Variants in DEFB107B observed in about 807,000 individuals in gnomAD.
DEFB107B encodes the protein beta-defensin 107.
At chr8:7,497,499 G>A (rs1377882787) in intron 1 of DEFB107B, among the ~76,000 whole-genome samples, 1 of 151,944 alleles carries the variant, frequency 6.6e-6, no homozygotes, top group Non-Finnish European at 1.5e-5. Flanking sequence ...TTTGGAAATA[G>A]GCAAGACTAG....
At chr8:7,496,552 G>A (rs1276592621) in intron 1 of DEFB107B, among the ~76,000 whole-genome samples, 2 of 150,586 alleles carry the variant, frequency 1.3e-5, no homozygotes, top group Admixed American at 6.6e-5. Context: ...CGCCCTCCTC[G>A]GCCTCCCAGA....
intron 1 of DEFB107B, among the ~76,000 whole-genome samples, chr8:7,496,387 C>A (rs1468160649): frequency 8.3e-6 from 1 of 119,892 alleles, no homozygotes; most frequent in Non-Finnish European, 1.7e-5. Context: ...GCAAGCTCTG[C>A]CTCCCAGGTT....
rs1261173108 is a variant in DEFB107B, at chr8:7,506,336, G to A, written c.71-2745G>A. Among the ~76,000 whole-genome samples, 2 of 16,924 alleles carry A rather than the reference G, an allele frequency of 1.2e-4. 1 individual carries two copies. Among genetic ancestry groups the A allele is most frequent in the South Asian group, 3.6e-3 (2 of 558 alleles). 11.1% of individuals were successfully genotyped at this position (16,924 alleles called of 152,430 possible). On this transcript the variant is annotated intron_variant, in intron 1 of 1. Coordinates refer to ENST00000355602, the MANE Select transcript of DEFB107B (RefSeq NM_001040705.2). ...TTGTCCTCAATGACCACGCTCGAGC[G>A]TACCTTCACCCTAGAGAAAAGCCTC...
In DEFB107B at chr8:7,508,083, A is replaced by ATATGTGTG. The variant is rs1554551694; in HGVS notation, c.71-997_71-996insATGTGTGT. Among the ~76,000 whole-genome samples, 52 of 42,776 alleles carry ATATGTGTG rather than the reference A, an allele frequency of 1.2e-3. 1 individual carries two copies. The South Asian group carries it at 0.026, about 21-fold the overall frequency. 28.1% of individuals were successfully genotyped at this position (42,776 alleles called of 152,430 possible). A position where few individuals can be genotyped will look rare whatever the true frequency, so the allele number is the denominator to read the frequency against. On this transcript the variant is annotated intron_variant, in intron 1 of 1. Transcript: ENST00000355602. Reference sequence around the variant, plus strand: ...CCTATACATGTATATATATATATATATGTGTGTGTGTGTGTATGTGTGTGC... The same window carrying ATATGTGTG: ...CCTATACATGTATATATATATATATATATGTGTGTGTGTGTGTGTGTGTATGTGTGTGC...
At chr8:7,497,673 A>G (rs546540022) in intron 1 of DEFB107B, among the ~76,000 whole-genome samples, 3 of 149,582 alleles carry the variant, frequency 2.0e-5, no homozygotes, top group East Asian at 2.0e-4. Context: ...TGTCTTCTCC[A>G]TCCACTTTAA....
chr8:7,509,146 C>CT lies in DEFB107B; in HGVS notation c.138dup (p.Thr47TyrfsTer3). The CT allele has an allele frequency of 2.6e-6, 1 of 391,614 alleles. No individual in the cohort carries two copies. Among genetic ancestry groups the CT allele is most frequent in the South Asian group, 2.5e-5 (1 of 40,442 alleles). The allele number at this position is 391,614 out of a possible 1,614,324, so 24.3% of individuals were successfully genotyped here. A position where few individuals can be genotyped will look rare whatever the true frequency, so the allele number is the denominator to read the frequency against. On this transcript the variant is annotated frameshift_variant, in exon 2 of 2. Coordinates refer to ENST00000355602, the MANE Select transcript of DEFB107B (RefSeq NM_001040705.2). LOFTEE classifies it high-confidence loss of function. ...GGAAGGTCACTGTGAAGCCGAATGT[C>CT]TTACCTTTGAAGTAAAGATTGGGGG...
rs1235211134 is a variant in DEFB107B at position 7,503,815 on chromosome 8, C to G, written c.71-5266C>G. On this transcript the variant is annotated intron_variant, in intron 1 of 1. Transcript: ENST00000355602. Reference sequence around the variant, plus strand: ...TTTAAAGCAATGATAGAGACATCTGCTCCAGTGTCTACCAATCCTTCAAAC... The same window carrying G: ...TTTAAAGCAATGATAGAGACATCTGGTCCAGTGTCTACCAATCCTTCAAAC... 6.7e-4 allele frequency among the ~76,000 whole-genome samples: 16 copies of G among 23,912 alleles called. 7 individuals carry two copies. The highest frequency in any genetic ancestry group is 1.2e-3 in the African/African-American group (16 of 13,650). The allele number at this position is 23,912 out of a possible 152,430, so 15.7% of individuals were successfully genotyped here.
intron 1 of DEFB107B, among the ~76,000 whole-genome samples, chr8:7,508,302 T>G (rs1225068456): frequency 3.6e-5 from 5 of 138,106 alleles, no homozygotes; most frequent in Non-Finnish European, 7.6e-5. Context: ...TGATAATATT[T>G]CAGATATATG....
At chr8:7,496,258 C>CT (rs57260555) in intron 1 of DEFB107B, among the ~76,000 whole-genome samples, 80,368 of 88,718 alleles carry the variant, frequency 0.91, 36,069 homozygotes, top group East Asian at 0.96. Context: ...CTCTTTCCTC[C>CT]TTTGTAATCT....
chr8:7,508,081 A>ATGTGTGTG (rs72329447), intron 1 of DEFB107B, among the ~76,000 whole-genome samples: 6,867 of 41,488 alleles, frequency 0.17, 106 homozygotes, highest in East Asian at 0.23. Context: ...ATATATATAT[A>ATGTGTGTG]TATGTGTGTG....
intron 1 of DEFB107B, among the ~76,000 whole-genome samples, chr8:7,508,038 C>G (rs1811984371): frequency 2.8e-5 from 1 of 35,136 alleles, no homozygotes; most frequent in African/African-American, 7.3e-5. Context: ...TGTTCTCTGT[C>G]CTGATTCAGT....
intron 1 of DEFB107B, among the ~76,000 whole-genome samples, chr8:7,500,327 A>G (rs1450186155): frequency 1.5e-4 from 2 of 12,992 alleles, no homozygotes; most frequent in African/African-American, 3.8e-4. Flanking sequence ...AAGTGAATCT[A>G]CTGATGGGAC....
At chr8:7,507,993 C>T (rs1811981998) in intron 1 of DEFB107B, among the ~76,000 whole-genome samples, 1 of 134,576 alleles carries the variant, frequency 7.4e-6, no homozygotes, top group African/African-American at 3.2e-5. Flanking sequence ...TTAGAGTTTA[C>T]CATTGTTGGT....
At chr8:7,497,338 A>G (rs558160620) in intron 1 of DEFB107B, among the ~76,000 whole-genome samples, 1 of 152,386 alleles carries the variant, frequency 6.6e-6, no homozygotes, top group East Asian at 1.9e-4. Context: ...TATCAATGAG[A>G]CAGGAAAATT....
At chr8:7,497,413 A>C (rs1203760850) in intron 1 of DEFB107B, among the ~76,000 whole-genome samples, 1 of 151,822 alleles carries the variant, frequency 6.6e-6, no homozygotes, top group South Asian at 2.1e-4. Flanking sequence ...TATAAAGAGA[A>C]GTCATAGATG....
chr8:7,508,336 C>T (rs1811997366), intron 1 of DEFB107B, among the ~76,000 whole-genome samples: 2 of 133,804 alleles, frequency 1.5e-5, no homozygotes, highest in Admixed American at 7.4e-5. Flanking sequence ...ACTGTTTCTC[C>T]CCCAAAGTTG....
chr8:7,508,067 GTATA>G (rs150230033), intron 1 of DEFB107B, among the ~76,000 whole-genome samples: 4 of 50,846 alleles, frequency 7.9e-5, no homozygotes, highest in Admixed American at 2.2e-4. Context: ...CCCTATACAT[GTATA>G]TATATATATA....
rs1400512176 is a variant in DEFB107B at position 7,496,424 on chromosome 8, C to A, written c.70+421C>A. Among the ~76,000 whole-genome samples, 12 of 147,560 alleles carry A rather than the reference C, an allele frequency of 8.1e-5. No individual in the cohort carries two copies. In the East Asian group the frequency reaches 1.4e-3, roughly 18 times the overall value. On this transcript the variant is annotated intron_variant, in intron 1 of 1. Coordinates refer to ENST00000355602, the MANE Select transcript of DEFB107B (RefSeq NM_001040705.2). ...ATGCCATTCTCCTGCCTCAGCCTCC[C>A]GAGTAGCTGGGACTACACGCACCCG...
intron 1 of DEFB107B, among the ~76,000 whole-genome samples, chr8:7,496,803 A>T (rs1424374916): frequency 8.6e-6 from 1 of 116,268 alleles, no homozygotes; most frequent in African/African-American, 3.4e-5. Flanking sequence ...TCTTATCCAT[A>T]CATTATTTTA....
Sources: gnomAD v4.1 joint callset for allele counts (sites outside exome capture counted in the v4.1 genomes callset) on GRCh38, gnomAD v4.1.1 for gene constraint, MANE v1.5 for transcripts, NCBI Gene and HGNC (gene_info 2026-07-23, HGNC 2026-07-21) for gene names.